KIFC3: variants seen among roughly 807,000 people sequenced by gnomAD.
The protein encoded by KIFC3 is kinesin family member C3.
A neutral mutation model predicts 101.8 loss-of-function variants in KIFC3; 60 were observed. That is an observed-to-expected ratio of 0.59 (90% CI 0.48 to 0.73). The LOEUF (loss-of-function observed/expected upper bound fraction) is 0.73, where lower values mean the gene tolerates loss of function less well. Among genes scored for constraint, KIFC3 ranks in the 30% least tolerant of loss-of-function variants. The pLI is 0.00. For synonymous variants in KIFC3, 476 were observed against 482.7 expected, an observed-to-expected ratio of 0.99 and a Z score of 0.18; for missense variants, 966 against 1,137.1, an observed-to-expected ratio of 0.85 and a Z score of 2.16.
intron 9 of KIFC3, among the ~76,000 whole-genome samples, chr16:57,768,028 G>C (rs2050683768): frequency 6.6e-6 from 1 of 151,910 alleles, no homozygotes; most frequent in African/African-American, 2.4e-5. Flanking sequence ...CTAATACAAT[G>C]AAAATGCTGG....
At chr16:57,832,782 T>A (rs2055610233) in intron 1 of KIFC3, among the ~76,000 whole-genome samples, 1 of 152,126 alleles carries the variant, frequency 6.6e-6, no homozygotes, top group South Asian at 2.1e-4. Context: ...CCGGGTAAAG[T>A]CCATCCTCTC....
chr16:57,783,600 G>A (rs1221605302), intron 3 of KIFC3, among the ~76,000 whole-genome samples: 3 of 150,970 alleles, frequency 2.0e-5, no homozygotes, highest in East Asian at 1.9e-4. Context: ...AGCCTCCCAA[G>A]TAGTTAAGAT....
In KIFC3 at chr16:57,760,768, C is replaced by G; in HGVS notation, c.2190G>C (p.Gln730His). The G allele has an allele frequency of 6.2e-7, 1 of 1,613,896 alleles. No homozygotes were observed. The change falls in exon 16 of 20, where the codon CAG becomes CAC. Residue 730 changes from glutamine (Q) to histidine (H), a missense_variant. Transcript: ENST00000445690. ...FRNSKLTYLL[Q>H]DSLSGDSKTL... Reference sequence around the variant, plus strand: ...TCTTGCTGTCACCACTAAGCGAATCCTGCAGCAGGTAGGTGAGCTTGGAGT... The same window carrying G: ...TCTTGCTGTCACCACTAAGCGAATCGTGCAGCAGGTAGGTGAGCTTGGAGT...
chr16:57,840,910 A>T (rs1596846496), intron 1 of KIFC3, among the ~76,000 whole-genome samples: 1 of 152,128 alleles, frequency 6.6e-6, no homozygotes, highest in African/African-American at 2.4e-5. Flanking sequence ...TGGAAGCCTC[A>T]CCAGCAGATA....
intron 3 of KIFC3, among the ~76,000 whole-genome samples, chr16:57,789,720 T>C (rs1309102414): frequency 7.0e-6 from 1 of 142,138 alleles, no homozygotes; most frequent in Non-Finnish European, 1.5e-5. Context: ...ACTGTGTTTC[T>C]TTGTTTTGTT....
In KIFC3 at chr16:57,813,779, G is replaced by A. The variant is rs139230968; in HGVS notation, c.109-15497C>T. The A allele has an allele frequency of 7.8e-4, 773 of 985,490 alleles. 4 individuals carry two copies. The African/African-American group carries it at 0.012, about 16-fold the overall frequency. The allele number at this position is 985,490 out of a possible 1,614,324, so 61.0% of individuals were successfully genotyped here. ...GCAGCACGTGCCTTCAGAGGGAAGA[G>A]AACCGGGGACTCGGGAGACTCAAGG... On this transcript the variant is annotated intron_variant, in intron 1 of 2. Coordinates refer to the KIFC3 transcript ENST00000563028.
intron 1 of KIFC3, among the ~76,000 whole-genome samples, chr16:57,824,090 G>A (rs1555630382): frequency 2.6e-5 from 4 of 152,206 alleles, no homozygotes; most frequent in Non-Finnish European, 4.4e-5. Context: ...GTGATCAACC[G>A]TCCAGGTTTG....
At chr16:57,831,796 G>T (rs1414420470) in intron 1 of KIFC3, among the ~76,000 whole-genome samples, 3 of 152,176 alleles carry the variant, frequency 2.0e-5, no homozygotes, top group Non-Finnish European at 4.4e-5. Context: ...CTTTCCTTGG[G>T]CCCCACAGAC....
At chr16:57,814,290 C>T (rs979888331) in intron 1 of KIFC3, among the ~76,000 whole-genome samples, 4 of 152,166 alleles carry the variant, frequency 2.6e-5, no homozygotes, top group African/African-American at 9.6e-5. Flanking sequence ...CCTGATACCA[C>T]CTAGTCAGAA....
intron 3 of KIFC3, among the ~76,000 whole-genome samples, chr16:57,784,733 C>A (rs1440371858): frequency 2.0e-5 from 3 of 152,124 alleles, no homozygotes; most frequent in Non-Finnish European, 4.4e-5. Flanking sequence ...TCAGATACAG[C>A]CACAGAGACA....
At chr16:57,799,178 C>G (rs1179612015) in intron 1 of KIFC3, among the ~76,000 whole-genome samples, 1 of 152,218 alleles carries the variant, frequency 6.6e-6, no homozygotes, top group African/African-American at 2.4e-5. Context: ...AACAAATGAA[C>G]AGAGCTCAGG....
Position 57,798,192 on chromosome 16 carries a change from C to T in KIFC3, c.52G>A (p.Gly18Ser). The change falls in exon 2 of 20, where the codon GGC (glycine) becomes AGC (serine). Residue 18 changes from glycine to serine, a missense_variant. This residue lies in a region of KIFC3 where 277 missense variants were observed against 252.5 expected (regional missense o/e 1.10). Coordinates refer to ENST00000445690, the MANE Select transcript of KIFC3 (RefSeq NM_001130100.2). ...GGGGCCCGGCCCACTCTCCACAGGC[C>T]CCGCAGCGAGGGCGTGGCTCCCAGG... ...WNLGATPSLR[G>S]LWRVGRAPEP... 1.7e-5 allele frequency: 26 copies of T among 1,543,904 alleles called. No homozygotes were observed. Among genetic ancestry groups the T allele is most frequent in the Non-Finnish European group, 2.2e-5 (25 of 1,144,724 alleles).
intron 1 of KIFC3, among the ~76,000 whole-genome samples, chr16:57,823,805 T>TGTG (rs1568088586): frequency 3.1e-5 from 2 of 64,526 alleles, no homozygotes; most frequent in South Asian, 9.1e-4. Context: ...GTGTGTGTGT[T>TGTG]TTTAGTAGAG....
At chr16:57,802,977 A>G (rs187036283), upstream of KIFC3, 1 of 1,535,734 alleles carries the variant, frequency 6.5e-7, no homozygotes, top group African/African-American at 1.4e-5. The surrounding 1 kb of genome is among the most constrained non-coding windows in gnomAD (Gnocchi z 5.0). Flanking sequence ...ATACATGTAC[A>G]TCCCTTACCG....
upstream of KIFC3, among the ~76,000 whole-genome samples, chr16:57,805,926 A>C (rs2054925792): frequency 6.6e-6 from 1 of 151,850 alleles, no homozygotes; most frequent in Admixed American, 6.6e-5. Flanking sequence ...TTTAGTAGAG[A>C]CGGGGTTTTG....
chr16:57,778,055 G>A (rs1322831273), intron 3 of KIFC3, among the ~76,000 whole-genome samples: 1 of 152,222 alleles, frequency 6.6e-6, no homozygotes, highest in African/African-American at 2.4e-5. Flanking sequence ...AAGGTAGGAG[G>A]AGTGCTCGAG....
At chr16:57,812,350 C>CT (rs1230665769) in intron 1 of KIFC3, among the ~76,000 whole-genome samples, 1 of 46,336 alleles carries the variant, frequency 2.2e-5, no homozygotes, top group African/African-American at 5.8e-5. Flanking sequence ...CCCCCCATCT[C>CT]TTAAAAAAAA....
At chr16:57,818,002 TTTTC>T (rs1209608651) in intron 1 of KIFC3, among the ~76,000 whole-genome samples, 2 of 151,602 alleles carry the variant, frequency 1.3e-5, no homozygotes, top group Non-Finnish European at 2.9e-5. Flanking sequence ...CATTGTCACA[TTTTC>T]TTTCTTTCTT....
At chr16:57,838,589 A>G (rs2149307657) in intron 1 of KIFC3, among the ~76,000 whole-genome samples, 1 of 152,364 alleles carries the variant, frequency 6.6e-6, no homozygotes, top group Non-Finnish European at 1.5e-5. Context: ...TCACAGGAAC[A>G]GGAAAATCTT....
Sources: allele counts gnomAD v4.1 joint callset (sites outside exome capture counted in the v4.1 genomes callset), GRCh38; gene constraint gnomAD v4.1.1; regional missense constraint gnomAD v4.1.1; non-coding constraint Gnocchi (gnomAD v3.1); transcripts MANE v1.5; gene names NCBI Gene and HGNC (gene_info 2026-07-23, HGNC 2026-07-21).